The following XYLB variants were observed in gnomAD, a reference collection of about 807,000 sequenced individuals.
XYLB encodes the protein xylulose kinase.
In XYLB, 62 loss-of-function variants were observed where a neutral mutation model predicts 78.7. That is an observed-to-expected ratio of 0.79 (90% CI 0.64 to 0.97). The LOEUF (loss-of-function observed/expected upper bound fraction) is 0.97. XYLB is among the 50% of genes least tolerant of loss of function. The pLI is 0.00. For synonymous variants in XYLB, 245 were observed against 247.4 expected (o/e 0.99, Z 0.09); for missense variants, 687 against 676.8 (o/e 1.02, Z -0.17).
At chr3:38,429,837 C>G in the XYLB span, among the ~76,000 whole-genome samples, 2 of 152,208 alleles carry the variant, frequency 1.3e-5, no homozygotes, top group African/African-American at 4.8e-5. Flanking sequence ...ATAGTTTGCT[C>G]AGAATGATGG....
At chr3:38,360,271 T>A in intron 2 of XYLB, 68 bp from the exon 3 acceptor site, 1 of 1,432,222 alleles carries the variant, frequency 7.0e-7, no homozygotes, top group Non-Finnish European at 9.9e-7. Context: ...CACCATAGGG[T>A]TTCTCCTGGC....
chr3:38,419,578 T>TTATATATATATATATA (rs67869604), downstream of XYLB, among the ~76,000 whole-genome samples: 692 of 68,160 alleles, frequency 0.01, 27 homozygotes, highest in African/African-American at 0.03. Flanking sequence ...TTATTTTTCT[T>TTATATATATATATATA]TATATATATA....
In XYLB at chr3:38,377,740, A is replaced by G. The variant is rs542687116; in HGVS notation, c.1194+749A>G. Among the ~76,000 whole-genome samples the G allele has an allele frequency of 4.1e-4, 62 of 152,208 alleles. 2 individuals carry two copies. The highest frequency in any genetic ancestry group is 1.4e-3 in the African/African-American group (60 of 41,534). On this transcript the variant is annotated intron_variant, in intron 14 of 18. Transcript: ENST00000207870. ...CAGGTTTGAGCCACCATGCCCGGCT[A>G]TCATTTACTTTTCAAAGCAATAGGC...
chr3:38,350,288 A>G (rs956412719), intron 2 of XYLB, among the ~76,000 whole-genome samples: 3 of 152,162 alleles, frequency 2.0e-5, no homozygotes, highest in African/African-American at 7.2e-5. Context: ...CAGGCCTTGC[A>G]TGTTTGCCTT....
chr3:38,385,612 A>G (rs1707350272), intron 15 of XYLB, among the ~76,000 whole-genome samples: 1 of 152,190 alleles, frequency 6.6e-6, no homozygotes, highest in South Asian at 2.1e-4. Context: ...AAAGATAGTA[A>G]TTTTCATCTT....
intron 2 of XYLB, among the ~76,000 whole-genome samples, chr3:38,350,983 A>G (rs1386312747): frequency 6.6e-6 from 1 of 151,712 alleles, no homozygotes; most frequent in Non-Finnish European, 1.5e-5. Flanking sequence ...TTCTACTAAA[A>G]ATACAAAAAA....
chr3:38,390,294 A>G (rs959889723), intron 15 of XYLB, among the ~76,000 whole-genome samples: 11 of 151,358 alleles, frequency 7.3e-5, no homozygotes, highest in African/African-American at 2.7e-4. Flanking sequence ...GCTCACTGCA[A>G]CCTCTGCCTC....
chr3:38,439,480 C>T, the XYLB span, among the ~76,000 whole-genome samples: 7,251 of 152,272 alleles, frequency 0.048, 227 homozygotes, highest in Non-Finnish European at 0.065. Context: ...GTTTGAAAGG[C>T]GGCCAGACGC....
chr3:38,351,926 G>C (rs1047702881), intron 2 of XYLB, among the ~76,000 whole-genome samples: 2 of 152,226 alleles, frequency 1.3e-5, no homozygotes, highest in African/African-American at 2.4e-5. Context: ...CACCTGATGA[G>C]GGATATTGGG....
intron 15 of XYLB, among the ~76,000 whole-genome samples, chr3:38,393,502 T>G (rs761281578): frequency 3.9e-5 from 6 of 152,190 alleles, no homozygotes; most frequent in African/African-American, 1.4e-4. Flanking sequence ...GCAGAAAAAC[T>G]GTTGTATTAT....
chr3:38,348,506 A>G, intron 1 of XYLB, 44 bp from the exon 2 acceptor site: 7 of 1,599,756 alleles, frequency 4.4e-6, no homozygotes, highest in Non-Finnish European at 6.0e-6. Context: ...CCAGTGTAGA[A>G]GCTGAGGAAA....
intron 15 of XYLB, among the ~76,000 whole-genome samples, chr3:38,383,681 C>T (rs1707252800): frequency 6.6e-6 from 1 of 151,154 alleles, no homozygotes; most frequent in Admixed American, 6.6e-5. Flanking sequence ...GGTGGGGTGG[C>T]AGGGGTGGCA....
At chr3:38,348,434 T>C in intron 1 of XYLB, 116 bp from the exon 2 acceptor site, 1 of 878,766 alleles carries the variant, frequency 1.1e-6, no homozygotes. Flanking sequence ...TTCAAGGAGG[T>C]CTCTAGGTTG....
chr3:38,410,166 G>C (rs1319317417), intron 18 of XYLB, among the ~76,000 whole-genome samples: 1 of 152,204 alleles, frequency 6.6e-6, no homozygotes. Flanking sequence ...AAACAGCATG[G>C]TACTGGTACC....
intron 18 of XYLB, among the ~76,000 whole-genome samples, chr3:38,410,423 TA>T (rs903006722): frequency 2.0e-5 from 3 of 152,062 alleles, no homozygotes; most frequent in Non-Finnish European, 4.4e-5. Flanking sequence ...CCTAAAACCA[TA>T]AAAACCCTAG....
intron 17 of XYLB, 77 bp downstream of exon 17, chr3:38,397,236 G>C (rs1309205553): frequency 1.5e-6 from 2 of 1,350,924 alleles, no homozygotes; most frequent in African/African-American, 2.9e-5. Context: ...GGAAAGGGGA[G>C]AGTGAGGTGT....
chr3:38,399,316 C>T (rs575708490), intron 17 of XYLB, among the ~76,000 whole-genome samples: 9 of 152,022 alleles, frequency 5.9e-5, no homozygotes, highest in African/African-American at 1.7e-4. Flanking sequence ...AGGCTGAACT[C>T]GAACTCCTGG....
the XYLB span, among the ~76,000 whole-genome samples, chr3:38,436,604 A>C: frequency 1.3e-5 from 2 of 152,174 alleles, no homozygotes; most frequent in South Asian, 4.1e-4. Context: ...AAACCAGAAA[A>C]GGCCACAGCA....
At chr3:38,421,195 C>G (rs924187227), downstream of XYLB, 1 of 152,434 alleles carries the variant, frequency 6.6e-6, no homozygotes, top group African/African-American at 2.4e-5. Flanking sequence ...ATTCCTGTGT[C>G]TGTCTTAATT....
Sources: gnomAD v4.1 joint callset for allele counts (sites outside exome capture counted in the v4.1 genomes callset) on GRCh38, gnomAD v4.1.1 for gene constraint, MANE v1.5 for transcripts, NCBI Gene and HGNC (gene_info 2026-07-23, HGNC 2026-07-21) for gene names.